LAMA2: variants seen among roughly 807,000 people sequenced by gnomAD.
LAMA2 encodes the protein laminin subunit alpha-2.
In LAMA2, 269 loss-of-function variants were observed where a neutral mutation model predicts 364.8. The observed-to-expected ratio is 0.74, with a 90% CI of 0.67 to 0.82. The LOEUF (loss-of-function observed/expected upper bound fraction) is 0.82, where lower values mean the gene tolerates loss of function less well. Ranked by LOEUF, LAMA2 falls within the 40% of genes least tolerant of loss-of-function variation. The pLI is 0.00. For synonymous variants in LAMA2, 1,379 were observed against 1,370.6 expected, an observed-to-expected ratio of 1.01 and a Z score of -0.14; for missense variants, 3,807 against 3,873.2, an observed-to-expected ratio of 0.98 and a Z score of 0.45.
At chr6:129,209,120 GA>G (rs1031822308) in intron 12 of LAMA2, among the ~76,000 whole-genome samples, 1 of 151,688 alleles carries the variant, frequency 6.6e-6, no homozygotes, top group African/African-American at 2.4e-5. Flanking sequence ...CATACTGCAG[GA>G]AAAAAAAGAG....
intron 12 of LAMA2, among the ~76,000 whole-genome samples, chr6:129,228,233 C>A (rs1001505729): frequency 4.8e-4 from 73 of 152,318 alleles, no homozygotes; most frequent in Non-Finnish European, 2.4e-4. Context: ...TCTGTCACAG[C>A]TTCCCTTGGC....
intron 1 of LAMA2, among the ~76,000 whole-genome samples, chr6:128,908,850 G>A (rs202145764): frequency 4.7e-5 from 7 of 148,416 alleles, no homozygotes; most frequent in African/African-American, 7.8e-5. Flanking sequence ...TGTTCTTGTC[G>A]GTTTCAAAGA....
intron 3 of LAMA2, among the ~76,000 whole-genome samples, chr6:129,080,356 T>C (rs1773959829): frequency 6.6e-6 from 1 of 152,174 alleles, no homozygotes; most frequent in Admixed American, 6.5e-5. Context: ...GCTTCTCTGA[T>C]ATATAATTGT....
intron 12 of LAMA2, among the ~76,000 whole-genome samples, chr6:129,247,585 C>T (rs1785846457): frequency 6.6e-6 from 1 of 152,058 alleles, no homozygotes; most frequent in South Asian, 2.1e-4. Context: ...GTAACTGTGG[C>T]TTGGGAAAAA....
intron 22 of LAMA2, among the ~76,000 whole-genome samples, chr6:129,305,514 G>T (rs114957303): frequency 0.013 from 1,953 of 151,940 alleles, 47 homozygotes; most frequent in African/African-American, 0.045. Context: ...TTGTAGAAAT[G>T]AGATCTCACT....
chr6:129,057,023 G>A (rs1466367004), intron 2 of LAMA2, among the ~76,000 whole-genome samples: 2 of 151,916 alleles, frequency 1.3e-5, no homozygotes, highest in Admixed American at 1.3e-4. Flanking sequence ...GTGAGCCACT[G>A]CACCTGGCCA....
At position 129,270,646 on chromosome 6, in the gene LAMA2, G is replaced by T. The variant is rs1787864297; in HGVS notation, c.2345G>T (p.Gly782Val). 1 of 1,612,974 alleles carries T rather than the reference G, an allele frequency of 6.2e-7. No homozygotes were observed. The highest frequency in any genetic ancestry group is 2.2e-5 in the East Asian group (1 of 44,818). Residue 782 changes from glycine to valine, a missense_variant, in exon 17 of 65, where the codon GGC becomes GTC. This residue lies in a region of LAMA2 where 3,333 missense variants were observed against 3,345.7 expected (regional missense o/e 1.00). Transcript: ENST00000421865. Reference sequence around the variant, plus strand: ...CAGAACTGTAAGGATCACACAGGTGGCCCATATTGTGATAAATGTCTTCCT... The same window carrying T: ...CAGAACTGTAAGGATCACACAGGTGTCCCATATTGTGATAAATGTCTTCCT... ...ECLNCKDHTG[G>V]PYCDKCLPGF...
At chr6:129,028,584 T>G (rs570095271) in intron 1 of LAMA2, among the ~76,000 whole-genome samples, 4 of 151,950 alleles carry the variant, frequency 2.6e-5, no homozygotes, top group Middle Eastern at 3.4e-3. Flanking sequence ...GCCAAGCAAA[T>G]ATATAGAATT....
At position 129,205,290 on chromosome 6, in the gene LAMA2, G is replaced by A. The variant is rs138526608; in HGVS notation, c.1782+12437G>A. On this transcript the variant is annotated intron_variant, in intron 12 of 64. Coordinates refer to ENST00000421865, the MANE Select transcript of LAMA2 (RefSeq NM_000426.4). ...GCCTGTAGTCCCAGCTACTTGAGAG[G>A]CTGAGGCAGGAGAATCGCTTGAATC... Among the ~76,000 whole-genome samples, 694 of 151,644 alleles carry A rather than the reference G, an allele frequency of 4.6e-3. 5 individuals are homozygous for A. The highest frequency in any genetic ancestry group is 0.016 in the African/African-American group (667 of 41,272).
At chr6:129,332,603 T>G (rs1420011484) in intron 29 of LAMA2, among the ~76,000 whole-genome samples, 1 of 152,214 alleles carries the variant, frequency 6.6e-6, no homozygotes, top group East Asian at 1.9e-4. Flanking sequence ...CTAGTCACTC[T>G]TCTCTCTTCA....
At position 129,423,611 on chromosome 6, in the gene LAMA2, G is replaced by A. The variant is rs149049758; in HGVS notation, c.5866-4141G>A. Among the ~76,000 whole-genome samples the A allele has an allele frequency of 4.6e-3, 699 of 152,110 alleles. 5 individuals are homozygous for A. Among genetic ancestry groups the A allele is most frequent in the South Asian group, 0.026 (125 of 4,820 alleles). ...AGAACTAATAAGTGAGCTTACCAAT[G>A]TTATAAGGTACAACATCTATATGTG... On this transcript the variant is annotated intron_variant, in intron 40 of 64. Coordinates refer to ENST00000421865, the MANE Select transcript of LAMA2 (RefSeq NM_000426.4).
intron 30 of LAMA2, among the ~76,000 whole-genome samples, chr6:129,344,398 G>T (rs1457092854): frequency 6.6e-6 from 1 of 152,196 alleles, no homozygotes; most frequent in Non-Finnish European, 1.5e-5. Flanking sequence ...CAGGTTTTTA[G>T]GCAGGTTACC....
chr6:129,311,153 G>A (rs1372652197), intron 22 of LAMA2, among the ~76,000 whole-genome samples: 1 of 151,088 alleles, frequency 6.6e-6, no homozygotes, highest in African/African-American at 2.4e-5. Flanking sequence ...ACAGAGCCTT[G>A]CTCTGTCGCC....
intron 49 of LAMA2, among the ~76,000 whole-genome samples, chr6:129,460,669 T>C (rs899906281): frequency 6.6e-6 from 1 of 152,030 alleles, no homozygotes; most frequent in African/African-American, 2.4e-5. Flanking sequence ...CTCATTGTTA[T>C]AATTTTTTTT....
chr6:129,481,967 A>G (rs891125778), intron 55 of LAMA2, among the ~76,000 whole-genome samples: 1 of 152,164 alleles, frequency 6.6e-6, no homozygotes, highest in Non-Finnish European at 1.5e-5. Context: ...CAACACAGAC[A>G]GGGACAATTT....
intron 22 of LAMA2, among the ~76,000 whole-genome samples, chr6:129,305,104 G>C (rs888694095): frequency 6.6e-6 from 1 of 152,140 alleles, no homozygotes; most frequent in Non-Finnish European, 1.5e-5. Context: ...AGTGATACTA[G>C]GTGCATGAAC....
intron 12 of LAMA2, among the ~76,000 whole-genome samples, chr6:129,197,066 A>G (rs1310568358): frequency 6.6e-6 from 1 of 152,182 alleles, no homozygotes; most frequent in Admixed American, 6.5e-5. Flanking sequence ...CTAGACAGAC[A>G]CTTTACAGCA....
At chr6:129,092,297 T>C (rs1245181409) in intron 3 of LAMA2, among the ~76,000 whole-genome samples, 3 of 152,204 alleles carry the variant, frequency 2.0e-5, no homozygotes, top group Non-Finnish European at 2.9e-5. Flanking sequence ...ATTGGCTATA[T>C]GTATCAACTC....
chr6:129,258,168 T>C (rs1186760566), intron 14 of LAMA2, among the ~76,000 whole-genome samples: 1 of 152,060 alleles, frequency 6.6e-6, no homozygotes, highest in Admixed American at 6.6e-5. Context: ...CATAAGCTCA[T>C]GCCAACATAA....
Sources: gnomAD v4.1 joint callset for allele counts (sites outside exome capture counted in the v4.1 genomes callset) on GRCh38, gnomAD v4.1.1 for gene constraint, gnomAD v4.1.1 regional missense constraint, MANE v1.5 for transcripts, NCBI Gene and HGNC (gene_info 2026-07-23, HGNC 2026-07-21) for gene names.